Variants in ZNF224 observed in about 807,000 individuals in gnomAD.
ZNF224 encodes the protein zinc finger protein 224, also known as bone marrow zinc finger 2.
ZNF224 carries 8 observed loss-of-function variants against 10.5 expected under a neutral mutation model. The observed-to-expected ratio is 0.76, with a 90% CI of 0.45 to 1.37. The LOEUF is 1.37. Ranked by LOEUF, ZNF224 falls within the 40% of genes most tolerant of loss-of-function variation. ZNF224 has a pLI of 0.00. For synonymous variants in ZNF224, 282 were observed against 287.8 expected (o/e 0.98, Z 0.20); for missense variants, 754 against 854.0 (o/e 0.88, Z 1.46).
Position 44,107,157 on chromosome 19 carries a change from A to C in ZNF224, c.997A>C (p.Ser333Arg), listed in dbSNP as rs1308490529. 6.2e-7 allele frequency: 1 copy of C among 1,606,792 alleles called. No individual in the cohort carries two copies. The highest frequency in any genetic ancestry group is 8.5e-7 in the Non-Finnish European group (1 of 1,176,396). The change falls in exon 6 of 6, where the codon AGT (serine) becomes CGT (arginine). Residue 333 changes from serine (S) to arginine (R), a missense_variant. Transcript: ENST00000693561. Reference sequence around the variant, plus strand: ...CTTTCGTCAGAGATCAGCACTTAATAGTCATCGCATGATCCACACAGGAGA... The same window carrying C: ...CTTTCGTCAGAGATCAGCACTTAATCGTCATCGCATGATCCACACAGGAGA... ...KSFRQRSALN[S>R]HRMIHTGEKP...
chr19:44,101,628 C>T (rs1342054849), intron 5 of ZNF224, among the ~76,000 whole-genome samples: 1 of 152,190 alleles, frequency 6.6e-6, no homozygotes, highest in African/African-American at 2.4e-5. Context: ...TCTCTGTCCT[C>T]CCAAGGGCAC....
Position 44,106,384 on chromosome 19 carries a change from G to A in ZNF224, c.236-12G>A, listed in dbSNP as rs1342821740. On this transcript the variant is annotated splice_polypyrimidine_tract_variant and intron_variant, in intron 5 of 5. Transcript: ENST00000693561. ...TCACTTGTCCTCATCTTTTAATTCT[G>A]TATTCTGATAGGAGACAAGATCCAA... 1 of 1,613,716 alleles carries A rather than the reference G, an allele frequency of 6.2e-7. No individual in the cohort carries two copies. The highest frequency in any genetic ancestry group is 1.3e-5 in the African/African-American group (1 of 74,916).
Position 44,108,211 on chromosome 19 carries a change from A to C in ZNF224, c.2051A>C (p.Glu684Ala), listed in dbSNP as rs752723874. Residue 684 changes from glutamate to alanine, a missense_variant, in exon 6 of 6, where the codon GAG (glutamate) becomes GCG (alanine). By Grantham distance (107) the Glu-to-Ala change is moderately radical (BLOSUM62 -1). Transcript: ENST00000693561. Reference sequence around the variant, plus strand: ...GGAGAGAAAACATGGAAGTGTAGGGAGTGTGATATGTGCTTTAGTCAGGCC... The same window carrying C: ...GGAGAGAAAACATGGAAGTGTAGGGCGTGTGATATGTGCTTTAGTCAGGCC... ...HMGEKTWKCR[E>A]CDMCFSQASS... 11 of 1,614,158 alleles carry C rather than the reference A, an allele frequency of 6.8e-6. No homozygotes were observed. The South Asian group carries it at 1.2e-4, about 18-fold the overall frequency.
intron 5 of ZNF224, among the ~76,000 whole-genome samples, chr19:44,102,575 C>A (rs1217811594): frequency 6.6e-6 from 1 of 152,108 alleles, no homozygotes; most frequent in Non-Finnish European, 1.5e-5. Flanking sequence ...TTTTGTCTTC[C>A]AATGGCCATG....
At chr19:44,106,300 A>G in intron 5 of ZNF224, 96 bp from the exon 6 acceptor site, 2 of 1,302,618 alleles carry the variant, frequency 1.5e-6, no homozygotes, top group Non-Finnish European at 2.2e-6. Flanking sequence ...TGTTGTCTAT[A>G]CTCATGAGAG....
chr19:44,098,506 T>C lies in ZNF224; in HGVS notation c.15+618T>C, dbSNP rs151042911. On this transcript the variant is annotated intron_variant, in intron 3 of 5. Transcript: ENST00000693561. The stretch of plus-strand genomic sequence containing the variant: ...TTCTCTTTCCCCCATGCCTGAGTCA[T>C]GCCTTCTATGTCTTTTACTTACTGG... Among the ~76,000 whole-genome samples, 114 of 152,328 alleles carry C rather than the reference T, an allele frequency of 7.5e-4. 1 individual carries two copies. In the East Asian group the frequency reaches 0.014, roughly 19 times the overall value.
Position 44,100,987 on chromosome 19 carries a change from G to A in ZNF224, c.142+60G>A, listed in dbSNP as rs560512570. The A allele has an allele frequency of 2.1e-5, 34 of 1,608,346 alleles. No homozygotes were observed. The East Asian group carries it at 7.4e-4, about 35-fold the overall frequency. On this transcript the variant is annotated intron_variant, in intron 4 of 5. Transcript: ENST00000693561. ...GCCCCAGAGGTGGCTTTGTATCCTA[G>A]GGTACAAAGTTTCAAGTCTTAATTA...
Position 44,107,614 on chromosome 19 carries a change from A to G in ZNF224, c.1454A>G (p.Gln485Arg), listed in dbSNP as rs1967716163. 9.3e-6 allele frequency: 15 copies of G among 1,613,994 alleles called. No individual in the cohort carries two copies. Among genetic ancestry groups the G allele is most frequent in the Non-Finnish European group, 1.2e-5 (14 of 1,179,924 alleles). ...ERLHSGEKPF[Q>R]CEECGKRFTQ... is the part of the protein sequence containing the mutation. ...CTCCACAGTGGAGAAAAACCATTCC[A>G]ATGTGAAGAGTGTGGGAAGAGATTT... Residue 485 changes from glutamine to arginine, a missense_variant, in exon 6 of 6, where the codon CAA becomes CGA. Physicochemically the swap from Gln to Arg is conservative, Grantham distance 43. Transcript: ENST00000693561.
At chr19:44,105,833 G>T (rs985116714) in intron 5 of ZNF224, 11 of 153,808 alleles carry the variant, frequency 7.2e-5, no homozygotes, top group African/African-American at 2.6e-4. Flanking sequence ...CCAAGTTGCT[G>T]CAAAAGACAT....
chr19:44,100,424 A>T (rs1194181302), intron 3 of ZNF224, among the ~76,000 whole-genome samples: 1 of 152,216 alleles, frequency 6.6e-6, no homozygotes, highest in African/African-American at 2.4e-5. Flanking sequence ...AGAGAGGAAG[A>T]CAATGGGCAT....
chr19:44,107,624 G>A lies in ZNF224; in HGVS notation c.1464G>A (p.Glu488=), dbSNP rs754186240. ...HSGEKPFQCE[E]CGKRFTQNSH... ...GAGAAAAACCATTCCAATGTGAAGA[G>A]TGTGGGAAGAGATTTACTCAAAATT... is the stretch of plus-strand genomic sequence containing the variant. The change falls in exon 6 of 6, where the codon GAG becomes GAA. Residue 488 remains glutamate (E), a synonymous_variant. Transcript: ENST00000693561. 2 of 1,614,018 alleles carry A rather than the reference G, an allele frequency of 1.2e-6. No homozygotes were observed. The highest frequency in any genetic ancestry group is 1.3e-5 in the African/African-American group (1 of 75,030).
intron 5 of ZNF224, chr19:44,106,188 CT>C: frequency 3.4e-6 from 2 of 589,956 alleles, no homozygotes; most frequent in South Asian, 4.3e-5. Context: ...TGTTTTTCGT[CT>C]TTTATTTCTA....
rs773655230 is a variant in ZNF224, at chr19:44,101,131, A to G, written c.143-2A>G. The G allele has an allele frequency of 6.2e-7, 1 of 1,614,118 alleles. No homozygotes were observed. Among genetic ancestry groups the G allele is most frequent in the East Asian group, 2.2e-5 (1 of 44,880 alleles). On this transcript the variant is annotated splice_acceptor_variant, in intron 4 of 5. Coordinates refer to ENST00000693561, the MANE Select transcript of ZNF224 (RefSeq NM_001321645.3). LOFTEE classifies it high-confidence loss of function. ...TAAGCATGTAAGTTTGCCTGTTTGC[A>G]GGACATCAAGCATTCCACAGGGATA...
At chr19:44,104,886 T>C (rs1967621071) in intron 5 of ZNF224, among the ~76,000 whole-genome samples, 1 of 152,192 alleles carries the variant, frequency 6.6e-6, no homozygotes, top group Non-Finnish European at 1.5e-5. Context: ...ATGGTCTCGA[T>C]CTCCTGACCT....
rs1776987490 is a variant in ZNF224 at position 44,108,465 on chromosome 19, T to C, written c.*181T>C. On this transcript the variant is annotated 3_prime_UTR_variant, in exon 6 of 6. Coordinates refer to ENST00000693561, the MANE Select transcript of ZNF224 (RefSeq NM_001321645.3). ...CCATTCTTGGAAGAGGGAAAACATT[T>C]GTTTAAGATAACATCAGTGCTTCAG... 1.5e-6 allele frequency: 1 copy of C among 688,614 alleles called. No homozygotes were observed. Among genetic ancestry groups the C allele is most frequent in the Non-Finnish European group, 2.4e-6 (1 of 421,666 alleles). The allele number at this position is 688,614 out of a possible 1,614,324, so 42.7% of individuals were successfully genotyped here. A position where few individuals can be genotyped will look rare whatever the true frequency, so the allele number is the denominator to read the frequency against.
chr19:44,095,013 C>T (rs1967410976), intron 1 of ZNF224: 1 of 195,806 alleles, frequency 5.1e-6, no homozygotes, highest in Non-Finnish European at 1.1e-5. Context: ...GGGTTGCGTC[C>T]ACTTTCATGA....
intron 3 of ZNF224, among the ~76,000 whole-genome samples, chr19:44,098,666 C>G (rs188628312): frequency 8.7e-4 from 132 of 152,232 alleles, no homozygotes; most frequent in Admixed American, 8.4e-3. Context: ...TCACTGCAGC[C>G]TCTGCCTCCC....
In ZNF224 at chr19:44,108,950, T is replaced by G. The variant is rs1409610143; in HGVS notation, c.*666T>G. 15 of 230,932 alleles carry G rather than the reference T, an allele frequency of 6.5e-5. No individual in the cohort carries two copies. Among genetic ancestry groups the G allele is most frequent in the Non-Finnish European group, 1.3e-4 (14 of 110,232 alleles). 14.3% of individuals were successfully genotyped at this position (230,932 alleles called of 1,614,324 possible). ...TTTAAATTTTTTTCTTGATCAGATT[T>G]ATCATATTCATTGAACATTATTTTA... On this transcript the variant is annotated 3_prime_UTR_variant, in exon 6 of 6. Transcript: ENST00000693561.
intron 3 of ZNF224, among the ~76,000 whole-genome samples, chr19:44,100,115 C>T (rs984278492): frequency 3.3e-5 from 5 of 152,152 alleles, no homozygotes; most frequent in Admixed American, 2.6e-4. Context: ...CAGTAACATA[C>T]GTATATTCCA....
Sources: allele counts gnomAD v4.1 joint callset (sites outside exome capture counted in the v4.1 genomes callset), GRCh38; gene constraint gnomAD v4.1.1; transcripts MANE v1.5; gene names NCBI Gene and HGNC (gene_info 2026-07-23, HGNC 2026-07-21).